The following CPLANE1 variants were observed in gnomAD, a reference collection of about 807,000 sequenced individuals.
CPLANE1 encodes the protein ciliogenesis and planar polarity effector 1.
In CPLANE1, 263 loss-of-function variants were observed where a neutral mutation model predicts 362.5. The ratio of observed to expected loss-of-function variants is 0.73; its 90% confidence interval spans 0.66 to 0.80. The LOEUF is 0.80. Among genes scored for constraint, CPLANE1 ranks in the 30% least tolerant of loss-of-function variants. The probability of loss-of-function intolerance (pLI) is 0.00; values close to 1 mark genes in which losing one functional copy is unlikely to be tolerated. For synonymous variants in CPLANE1, 1,212 were observed against 1,302.6 expected, an observed-to-expected ratio of 0.93 and a Z score of 1.50; for missense variants, 3,461 against 3,793.4, an observed-to-expected ratio of 0.91 and a Z score of 2.30.
At chr5:37,087,829 C>T in the CPLANE1 span, among the ~76,000 whole-genome samples, 5 of 152,210 alleles carry the variant, frequency 3.3e-5, no homozygotes, top group Admixed American at 1.3e-4. Context: ...AGCCCATTTA[C>T]GAAAGGAATG....
intron 31 of CPLANE1, among the ~76,000 whole-genome samples, chr5:37,174,463 A>C (rs1780614603): frequency 6.6e-6 from 1 of 152,234 alleles, no homozygotes; most frequent in African/African-American, 2.4e-5. Flanking sequence ...TACTGTGAAC[A>C]TTTCATTTCC....
intron 41 of CPLANE1, among the ~76,000 whole-genome samples, chr5:37,156,071 C>G (rs1477443142): frequency 6.6e-6 from 1 of 152,332 alleles, no homozygotes; most frequent in South Asian, 2.1e-4. Context: ...TGCCCTAACA[C>G]ATCCTAAACC....
the CPLANE1 span, among the ~76,000 whole-genome samples, chr5:37,097,616 A>G: frequency 1.4e-4 from 22 of 152,358 alleles, no homozygotes; most frequent in East Asian, 4.2e-3. Flanking sequence ...GCCTAGTCAC[A>G]TACAAGGGAC....
intron 15 of CPLANE1, 122 bp downstream of exon 15, chr5:37,221,202 T>C (rs943329795): frequency 7.2e-5 from 42 of 580,344 alleles, no homozygotes; most frequent in Non-Finnish European, 1.0e-4. Context: ...TCTGTAGTCC[T>C]AGCCACTTGA....
intron 34 of CPLANE1, among the ~76,000 whole-genome samples, chr5:37,167,498 GC>G (rs1778586348): frequency 6.6e-6 from 1 of 152,166 alleles, no homozygotes; most frequent in African/African-American, 2.4e-5. Flanking sequence ...CTTTCCTCTG[GC>G]CAAGTGCAGT....
At chr5:37,204,315 A>G (rs1405817403) in intron 18 of CPLANE1, among the ~76,000 whole-genome samples, 1 of 152,232 alleles carries the variant, frequency 6.6e-6, no homozygotes, top group Non-Finnish European at 1.5e-5. Flanking sequence ...CAAAGCACCA[A>G]TAAAAACAGA....
chr5:37,125,682 C>G (rs995513822), intron 46 of CPLANE1, among the ~76,000 whole-genome samples: 38 of 152,322 alleles, frequency 2.5e-4, no homozygotes, highest in Admixed American at 2.5e-3. Context: ...TCCTAACTCT[C>G]AGAAAACTAT....
At chr5:37,191,069 C>T (rs1785416353) in intron 21 of CPLANE1, among the ~76,000 whole-genome samples, 1 of 152,062 alleles carries the variant, frequency 6.6e-6, no homozygotes, top group African/African-American at 2.4e-5. Context: ...CATCTCCAAG[C>T]ATGGTATTGC....
At chr5:37,085,218 GC>G in the CPLANE1 span, 1 of 846,668 alleles carries the variant, frequency 1.2e-6, no homozygotes. Context: ...ACTTAAGTAT[GC>G]CCTGACAGGA....
Position 37,224,292 on chromosome 5 carries a change from G to A in CPLANE1, c.2542C>T (p.Gln848Ter). 1 of 1,549,484 alleles carries A rather than the reference G, an allele frequency of 6.5e-7. No individual in the cohort carries two copies. Among genetic ancestry groups the A allele is most frequent in the Non-Finnish European group, 8.7e-7 (1 of 1,146,118 alleles). ...FLLGSYEKSV[Q>*]LWKKALQEIE... ...TCTTGTAGAGCTTTTTTCCACAGCTGAACAGACTTTTCATATGATCCTAAT... is the reference window on the plus strand; with the variant it reads ...TCTTGTAGAGCTTTTTTCCACAGCTAAACAGACTTTTCATATGATCCTAAT... Residue 848 changes from glutamine to a stop codon, truncating the protein, a stop_gained, in exon 14 of 53, where the codon CAG (glutamine) becomes TAG (stop). Transcript: ENST00000651892. LOFTEE classifies it high-confidence loss of function.
intron 12 of CPLANE1, 26 bp downstream of exon 12, chr5:37,226,278 C>G: frequency 1.4e-6 from 2 of 1,409,140 alleles, no homozygotes; most frequent in Non-Finnish European, 1.9e-6. Flanking sequence ...CTAATAGTAT[C>G]CCAGTATTAA....
At chr5:37,162,659 A>T in intron 37 of CPLANE1, 93 bp from the exon 38 acceptor site, 1 of 801,912 alleles carries the variant, frequency 1.2e-6, no homozygotes. Context: ...TGGAAGTAAA[A>T]TATGGGGTGT....
chr5:37,100,806 G>A, the CPLANE1 span, among the ~76,000 whole-genome samples: 3 of 152,056 alleles, frequency 2.0e-5, no homozygotes, highest in Admixed American at 6.6e-5. Context: ...GTGCTTTGTG[G>A]TTCATCTTGA....
Position 37,180,928 on chromosome 5 carries a change from T to G in CPLANE1, c.5499A>C (p.Ser1833=). Reference sequence around the variant, plus strand: ...TTCCACCTGGAGTTGCTACTGCAACTGAACCGCCAGCATCTGATTTGCTCT... The same window carrying G: ...TTCCACCTGGAGTTGCTACTGCAACGGAACCGCCAGCATCTGATTTGCTCT... ...ERESKSDAGG[S]VAVATPGGTE... is the part of the protein sequence containing the mutation. Residue 1833 remains serine, a synonymous_variant, in exon 27 of 53, where the codon TCA becomes TCC. Coordinates refer to ENST00000651892, the MANE Select transcript of CPLANE1 (RefSeq NM_001384732.1). 5.0e-6 allele frequency: 8 copies of G among 1,614,098 alleles called. No homozygotes were observed. Among genetic ancestry groups the G allele is most frequent in the Non-Finnish European group, 6.8e-6 (8 of 1,179,958 alleles).
At position 37,108,392 on chromosome 5, in the gene CPLANE1, C is replaced by T. The variant is rs775262984; in HGVS notation, c.9480G>A (p.Val3160=). The change falls in exon 52 of 53, where the codon GTG becomes GTA. Residue 3160 remains valine (V), a synonymous_variant. Transcript: ENST00000651892. ...SAGLAPQTKQ[V]CVEYEREETV... is the part of the protein sequence containing the mutation. Reference sequence around the variant, plus strand: ...TCTCCTCTCTTTCATACTCTACACACACCTGCTTGGTTTGAGGTGCAAGCC... The same window carrying T: ...TCTCCTCTCTTTCATACTCTACACATACCTGCTTGGTTTGAGGTGCAAGCC... The T allele has an allele frequency of 6.2e-7, 1 of 1,614,170 alleles. No individual in the cohort carries two copies. The highest frequency in any genetic ancestry group is 8.5e-7 in the Non-Finnish European group (1 of 1,179,992).
In CPLANE1 at chr5:37,207,941, G is replaced by T. The variant is rs192999805; in HGVS notation, c.2921-1516C>A. ...TGTTTGCTTTGGTTTTTTTGTTGTT[G>T]TTGTTTTTGTTTTGTTTTGTTTTGT... On this transcript the variant is annotated intron_variant, in intron 16 of 52. Transcript: ENST00000651892. Among the ~76,000 whole-genome samples the T allele has an allele frequency of 3.3e-5, 5 of 151,710 alleles. No individual in the cohort carries two copies. The East Asian group carries it at 9.7e-4, about 29-fold the overall frequency.
At chr5:37,082,086 T>A in the CPLANE1 span, among the ~76,000 whole-genome samples, 2 of 143,108 alleles carry the variant, frequency 1.4e-5, no homozygotes, top group African/African-American at 2.7e-5. Flanking sequence ...AGAGTGAAAC[T>A]CCGTATCAAA....
At chr5:37,249,113 A>C (rs1011706584) in intron 1 of CPLANE1, 132 bp downstream of exon 1, 3 of 152,732 alleles carry the variant, frequency 2.0e-5, no homozygotes, top group Admixed American at 6.5e-5. Context: ...GTGCGGCGGG[A>C]GACGGCCCGG....
intron 6 of CPLANE1, among the ~76,000 whole-genome samples, chr5:37,240,623 T>A (rs191581584): frequency 1.1e-4 from 17 of 152,136 alleles, no homozygotes; most frequent in African/African-American, 3.6e-4. Flanking sequence ...TCATGAGGGA[T>A]CTGCCACCTT....
Sources: gnomAD v4.1 joint callset for allele counts (sites outside exome capture counted in the v4.1 genomes callset) on GRCh38, gnomAD v4.1.1 for gene constraint, MANE v1.5 for transcripts, NCBI Gene and HGNC (gene_info 2026-07-23, HGNC 2026-07-21) for gene names.